The following SIK2 variants were observed in gnomAD, a reference collection of about 807,000 sequenced individuals.
SIK2 encodes serine/threonine-protein kinase SIK2.
SIK2 carries 29 observed loss-of-function variants against 103.2 expected under a neutral mutation model. The observed-to-expected ratio is 0.28, with a 90% CI of 0.21 to 0.38. The LOEUF (loss-of-function observed/expected upper bound fraction) is 0.38, where lower values mean the gene tolerates loss of function less well. SIK2 is among the 10% of genes least tolerant of loss of function. The pLI, the probability that SIK2 is intolerant of heterozygous loss-of-function variation, is 1.00. For missense variants in SIK2, 879 were observed against 1,171.0 expected (o/e 0.75, Z 3.64); for synonymous variants, 412 against 446.1 (o/e 0.92, Z 0.96).
chr11:111,675,011 A>T (rs1376926942), intron 3 of SIK2, among the ~76,000 whole-genome samples: 1 of 152,188 alleles, frequency 6.6e-6, no homozygotes, highest in Non-Finnish European at 1.5e-5. Flanking sequence ...CAGCCTCCCA[A>T]AGTGCTGGGA....
At chr11:111,614,658 C>G (rs75790058) in intron 1 of SIK2, among the ~76,000 whole-genome samples, 1 of 152,202 alleles carries the variant, frequency 6.6e-6, no homozygotes, top group East Asian at 1.9e-4. Flanking sequence ...GTCTTGCTGT[C>G]TTAGTGGTGG....
At chr11:111,720,355 G>C (rs1943764096) in intron 10 of SIK2, 123 bp from the exon 11 acceptor site, 2 of 1,056,764 alleles carry the variant, frequency 1.9e-6, no homozygotes, top group Admixed American at 5.8e-5. Flanking sequence ...GCTCTGAAAA[G>C]ATGTTTTGAT....
rs745612309 is a variant in SIK2 at position 111,720,006 on chromosome 11, A to G, written c.1495+3A>G. 1 of 1,611,662 alleles carries G rather than the reference A, an allele frequency of 6.2e-7. No homozygotes were observed. Among genetic ancestry groups the G allele is most frequent in the South Asian group, 1.1e-5 (1 of 90,626 alleles). On this transcript the variant is annotated splice_donor_region_variant and intron_variant, in intron 10 of 14. Coordinates refer to ENST00000304987, the MANE Select transcript of SIK2 (RefSeq NM_015191.3). ...ACTGGTCGTGATGCCTGGGGCAGGT[A>G]CGGTAGAGGAGCGACACTAGCTTGA...
chr11:111,603,348 C>T lies in SIK2; in HGVS notation c.135+650C>T, dbSNP rs557996042. On this transcript the variant is annotated intron_variant, in intron 1 of 14. Coordinates refer to ENST00000304987, the MANE Select transcript of SIK2 (RefSeq NM_015191.3). ...GCCTGGGGCATTTCCATTTAATGCCCCAGACAATAGAACTGGTTAAAATGG... is the reference window on the plus strand; with the variant it reads ...GCCTGGGGCATTTCCATTTAATGCCTCAGACAATAGAACTGGTTAAAATGG... Among the ~76,000 whole-genome samples the T allele has an allele frequency of 5.3e-5, 8 of 152,208 alleles. 1 individual carries two copies. The highest frequency in any genetic ancestry group is 2.6e-4 in the Admixed American group (4 of 15,300).
intron 3 of SIK2, among the ~76,000 whole-genome samples, chr11:111,660,989 G>A (rs188370086): frequency 8.6e-5 from 13 of 151,760 alleles, no homozygotes; most frequent in Non-Finnish European, 1.3e-4. Flanking sequence ...ACACACCACC[G>A]TACCCAGCTG....
chr11:111,709,215 G>C (rs7937682), intron 8 of SIK2, among the ~76,000 whole-genome samples: 37,009 of 152,074 alleles, frequency 0.24, 4,716 homozygotes, highest in Middle Eastern at 0.32. Flanking sequence ...TTTTCTCTGC[G>C]CAAGTGTGGA....
At chr11:111,680,571 G>C (rs1026655751) in intron 3 of SIK2, among the ~76,000 whole-genome samples, 1 of 151,852 alleles carries the variant, frequency 6.6e-6, no homozygotes, top group Non-Finnish European at 1.5e-5. Context: ...CTGTTATTCA[G>C]CTCCATCTTT....
chr11:111,610,486 TAAA>T (rs373176733), intron 1 of SIK2, among the ~76,000 whole-genome samples: 5 of 108,500 alleles, frequency 4.6e-5, no homozygotes, highest in Non-Finnish European at 3.9e-5. Flanking sequence ...AGACTCTGTC[TAAA>T]AAAAAAAAAA....
At chr11:111,675,472 G>A (rs976997352) in intron 3 of SIK2, among the ~76,000 whole-genome samples, 3 of 152,198 alleles carry the variant, frequency 2.0e-5, no homozygotes, top group Admixed American at 2.0e-4. Flanking sequence ...GATAGTTTTG[G>A]TTTTTGCAGC....
rs1178127482 is a variant in SIK2 at position 111,729,303 on chromosome 11, C to T, written c.*5174C>T. Reference sequence around the variant, plus strand: ...GAGAACCAGGCGGCAGCAGTGCTCGCAGACCCACCCAGGGAGAGCTGTGAT... The same window carrying T: ...GAGAACCAGGCGGCAGCAGTGCTCGTAGACCCACCCAGGGAGAGCTGTGAT... On this transcript the variant is annotated 3_prime_UTR_variant, in exon 15 of 15. Coordinates refer to ENST00000304987, the MANE Select transcript of SIK2 (RefSeq NM_015191.3). The T allele has an allele frequency of 6.6e-6, 1 of 152,280 alleles. No homozygotes were observed. Among genetic ancestry groups the T allele is most frequent in the Non-Finnish European group, 1.5e-5 (1 of 68,088 alleles). 9.4% of individuals were successfully genotyped at this position (152,280 alleles called of 1,614,324 possible). A position where few individuals can be genotyped will look rare whatever the true frequency, so the allele number is the denominator to read the frequency against.
At chr11:111,673,666 T>C (rs1942658733) in intron 3 of SIK2, among the ~76,000 whole-genome samples, 1 of 152,190 alleles carries the variant, frequency 6.6e-6, no homozygotes, top group African/African-American at 2.4e-5. Flanking sequence ...CTCAGAATTT[T>C]TGTACTAGAA....
At chr11:111,714,666 T>C (rs1481156541) in intron 9 of SIK2, among the ~76,000 whole-genome samples, 1 of 152,112 alleles carries the variant, frequency 6.6e-6, no homozygotes, top group Non-Finnish European at 1.5e-5. Flanking sequence ...GAGAGCCATT[T>C]TCAGAAATGG....
At chr11:111,668,623 G>GCTC (rs1189296256) in intron 3 of SIK2, among the ~76,000 whole-genome samples, 1 of 152,174 alleles carries the variant, frequency 6.6e-6, no homozygotes, top group African/African-American at 2.4e-5. Context: ...AGCTTATTGT[G>GCTC]CCATGGTAAC....
At chr11:111,687,045 C>G (rs533905909) in intron 3 of SIK2, among the ~76,000 whole-genome samples, 170 of 152,218 alleles carry the variant, frequency 1.1e-3, no homozygotes, top group African/African-American at 3.9e-3. Flanking sequence ...TTTATTTCCT[C>G]TGTTTTACAT....
chr11:111,672,335 A>T, intron 3 of SIK2: 1 of 452,308 alleles, frequency 2.2e-6, no homozygotes, highest in Non-Finnish European at 3.8e-6. Context: ...CTCGTGGAGG[A>T]GCAGCTGCTG....
chr11:111,713,754 G>A lies in SIK2; in HGVS notation c.1266+1379G>A, dbSNP rs1354167975. Reference sequence around the variant, plus strand: ...GAGGCCAAGGCGGACAGATCATGACGTCAGGAGTTCAAGACCAGCGTGGCC... The same window carrying A: ...GAGGCCAAGGCGGACAGATCATGACATCAGGAGTTCAAGACCAGCGTGGCC... On this transcript the variant is annotated intron_variant, in intron 9 of 14. Coordinates refer to ENST00000304987, the MANE Select transcript of SIK2 (RefSeq NM_015191.3). Among the ~76,000 whole-genome samples, 5 of 152,172 alleles carry A rather than the reference G, an allele frequency of 3.3e-5. No individual in the cohort carries two copies. The East Asian group carries it at 7.7e-4, about 23-fold the overall frequency.
rs766646595 is a variant in SIK2 at position 111,692,397 on chromosome 11, G to GGA, written c.478+4241_478+4242dup. Among the ~76,000 whole-genome samples, 879 of 118,118 alleles carry GGA rather than the reference G, an allele frequency of 7.4e-3. 8 individuals carry two copies. Among genetic ancestry groups the GGA allele is most frequent in the Non-Finnish European group, 0.013 (701 of 55,778 alleles). The allele number at this position is 118,118 out of a possible 152,430, so 77.5% of individuals were successfully genotyped here. Reference sequence around the variant, plus strand: ...AAAAAAAAAAAAAAAAACACAAAAAGGAGAGAGGGAGAGAGAGAGATAGAG... The same window carrying GGA: ...AAAAAAAAAAAAAAAAACACAAAAAGGAGAGAGAGGGAGAGAGAGAGATAGAG... On this transcript the variant is annotated intron_variant, in intron 4 of 14. Transcript: ENST00000304987.
At chr11:111,623,520 A>C (rs1477577422) in intron 3 of SIK2, among the ~76,000 whole-genome samples, 5 of 152,202 alleles carry the variant, frequency 3.3e-5, no homozygotes, top group African/African-American at 4.8e-5. Flanking sequence ...GGATGCAGTT[A>C]AGCCTACTTG....
At chr11:111,664,023 GAAGTAGAAGGA>G (rs1230174644) in intron 3 of SIK2, among the ~76,000 whole-genome samples, 1 of 152,180 alleles carries the variant, frequency 6.6e-6, no homozygotes, top group African/African-American at 2.4e-5. Context: ...CTCCAGGGAG[GAAGTAGAAGGA>G]AACCCTGGGC....
Sources: allele counts gnomAD v4.1 joint callset (sites outside exome capture counted in the v4.1 genomes callset), GRCh38; gene constraint gnomAD v4.1.1; transcripts MANE v1.5; gene names NCBI Gene and HGNC (gene_info 2026-07-23, HGNC 2026-07-21).